LRP2: variants seen among roughly 807,000 people sequenced by gnomAD.
The protein encoded by LRP2 is low-density lipoprotein receptor-related protein 2.
Under a neutral mutation model 531.0 loss-of-function variants are expected in LRP2, and 172 were observed. The ratio of observed to expected loss-of-function variants is 0.32; its 90% confidence interval spans 0.29 to 0.37. The LOEUF (loss-of-function observed/expected upper bound fraction) is 0.37. Among genes scored for constraint, LRP2 ranks in the 10% least tolerant of loss-of-function variants. LRP2 has a pLI of 1.00. For missense variants in LRP2, 5,167 were observed against 5,868.3 expected (o/e 0.88, Z 3.90); for synonymous variants, 1,992 against 2,027.6 (o/e 0.98, Z 0.47).
At chr2:169,286,558 T>C (rs541693662) in intron 9 of LRP2, among the ~76,000 whole-genome samples, 7 of 152,340 alleles carry the variant, frequency 4.6e-5, no homozygotes, top group East Asian at 1.9e-4. Context: ...TGAGAGGCTA[T>C]TGAAAATTGA....
intron 62 of LRP2, among the ~76,000 whole-genome samples, chr2:169,163,116 T>C (rs1405219787): frequency 6.6e-6 from 1 of 152,128 alleles, no homozygotes; most frequent in South Asian, 2.1e-4. Context: ...AGGACACTGA[T>C]AGTGGAGGCA....
In LRP2 at chr2:169,176,531, G is replaced by A. The variant is rs1687201711; in HGVS notation, c.10451C>T (p.Pro3484Leu). The change falls in exon 54 of 79, where the codon CCA becomes CTA. Residue 3484 changes from proline (P) to leucine (L), a missense_variant. This residue lies in a region of LRP2 where 1,129 missense variants were observed against 1,362.7 expected (regional missense o/e 0.83). Transcript: ENST00000649046. ...GGCSHLCLIK[P>L]GGKGFTCECP... ...CTCGCAAGTGAACCCTTTTCCTCCT[G>A]GCTTGATGAGGCAGAGATGAGAACA... The A allele has an allele frequency of 6.2e-7, 1 of 1,614,040 alleles. No individual in the cohort carries two copies. Among genetic ancestry groups the A allele is most frequent in the African/African-American group, 1.3e-5 (1 of 74,916 alleles).
At chr2:169,192,462 C>T (rs1189648626) in intron 47 of LRP2, among the ~76,000 whole-genome samples, 1 of 115,364 alleles carries the variant, frequency 8.7e-6, no homozygotes, top group Non-Finnish European at 1.6e-5. Context: ...AAAACTGAAG[C>T]TCAAAGATGG....
intron 1 of LRP2, among the ~76,000 whole-genome samples, chr2:169,322,351 T>C (rs537127953): frequency 9.2e-5 from 14 of 152,354 alleles, no homozygotes; most frequent in African/African-American, 3.1e-4. Context: ...TGATTTATAA[T>C]GTATGCTGCA....
At chr2:169,345,767 A>C (rs1456888962) in intron 1 of LRP2, among the ~76,000 whole-genome samples, 1 of 152,134 alleles carries the variant, frequency 6.6e-6, no homozygotes, top group East Asian at 1.9e-4. Context: ...AAAAAAAAAA[A>C]AAAACGAGCA....
At chr2:169,140,614 C>A in intron 71 of LRP2, 69 bp from the exon 72 acceptor site, 2 of 1,239,456 alleles carry the variant, frequency 1.6e-6, no homozygotes, top group Non-Finnish European at 2.4e-6. Context: ...CCATGCAAAC[C>A]GGCCCAGGTT....
rs780134363 is a variant in LRP2 at position 169,279,375 on chromosome 2, A to G, written c.1562T>C (p.Val521Ala). The change falls in exon 12 of 79, where the codon GTT becomes GCT. Residue 521 changes from valine to alanine, a missense_variant. By Grantham distance (64) the Val-to-Ala change is moderately conservative. Transcript: ENST00000649046. ...AATATGTTTTCACATCACTTACCCA[A>G]CAGTTGGGTCCACGGCAATTCCTCT... ...HPRGIAVDPT[V>A]GYLFFSDWES... 6.2e-7 allele frequency: 1 copy of G among 1,612,256 alleles called. No individual in the cohort carries two copies. The highest frequency in any genetic ancestry group is 8.5e-7 in the Non-Finnish European group (1 of 1,178,356).
chr2:169,331,367 C>T (rs1157228626), intron 1 of LRP2, among the ~76,000 whole-genome samples: 2 of 152,206 alleles, frequency 1.3e-5, no homozygotes, highest in African/African-American at 2.4e-5. Context: ...CAAGTTTTTA[C>T]CAAGAACGCT....
Position 169,256,236 on chromosome 2 carries a change from A to C in LRP2, c.2640T>G (p.Ala880=), listed in dbSNP as rs1690299512. The change falls in exon 19 of 79, where the codon GCT becomes GCG. Residue 880 remains alanine (A), a splice_region_variant and synonymous_variant. Transcript: ENST00000649046. The part of the protein sequence containing the change: ...GWPNGLAIDW[A]ASRLYWVDAY... The stretch of plus-strand genomic sequence containing the variant: ...CATCTACCCAGTACAATCGTGAAGC[A>C]CTAAAATAATAAAATATTTAGTTAT... 1.9e-6 allele frequency: 3 copies of C among 1,611,222 alleles called. No homozygotes were observed. The East Asian group carries it at 6.7e-5, about 36-fold the overall frequency.
intron 55 of LRP2, 102 bp downstream of exon 55, chr2:169,175,091 A>G: frequency 8.7e-7 from 1 of 1,146,368 alleles, no homozygotes; most frequent in South Asian, 1.3e-5. Flanking sequence ...AGGACTTTGA[A>G]CTGGTTTTTA....
rs749942746 is a variant in LRP2, at chr2:169,259,083, G to A, written c.2455C>T (p.Arg819Cys). The A allele has an allele frequency of 2.3e-5, 37 of 1,613,228 alleles. No individual in the cohort carries two copies. Among genetic ancestry groups the A allele is most frequent in the East Asian group, 4.5e-5 (2 of 44,848 alleles). The change falls in exon 17 of 79, where the codon CGC (arginine) becomes TGC (cysteine). Residue 819 changes from arginine (R) to cysteine (C), a missense_variant. This residue lies in a region of LRP2 where 2,811 missense variants were observed against 3,058.0 expected (regional missense o/e 0.92). Coordinates refer to ENST00000649046, the MANE Select transcript of LRP2 (RefSeq NM_004525.3). The stretch of plus-strand genomic sequence containing the variant: ...TTATTTAAATACTGAACTACTGTGC[G>A]TCTCGTTTTATCAGCTAGCCTCATG... ...SVMRLADKTR[R>C]TVVQYLNNPR... is the part of the protein sequence containing the mutation.
At chr2:169,205,360 T>C in intron 41 of LRP2, 119 bp downstream of exon 41, 1 of 1,105,712 alleles carries the variant, frequency 9.0e-7, no homozygotes, top group Non-Finnish European at 1.4e-6. Flanking sequence ...TGTGATTCTA[T>C]ATTCTGGCAA....
At chr2:169,356,880 T>G (rs922373425) in intron 1 of LRP2, among the ~76,000 whole-genome samples, 4 of 152,202 alleles carry the variant, frequency 2.6e-5, no homozygotes, top group African/African-American at 9.7e-5. Context: ...GAATCTTAAA[T>G]GCAAAACTGC....
In LRP2 at chr2:169,361,595, G is replaced by C. The variant is rs867082929; in HGVS notation, c.79+726C>G. Among the ~76,000 whole-genome samples the C allele has an allele frequency of 1.1e-4, 17 of 152,148 alleles. No individual in the cohort carries two copies. The Middle Eastern group carries it at 0.01, about 91-fold the overall frequency. On this transcript the variant is annotated intron_variant, in intron 1 of 78. Coordinates refer to ENST00000649046, the MANE Select transcript of LRP2 (RefSeq NM_004525.3). ...ACATAAACTATCGGACAACTTGAGAGAAGTTTAAAGCACTTCATACTAGAA... is the reference window on the plus strand; with the variant it reads ...ACATAAACTATCGGACAACTTGAGACAAGTTTAAAGCACTTCATACTAGAA...
chr2:169,237,984 T>A (rs144674232), intron 27 of LRP2, 107 bp downstream of exon 27: 12 of 906,966 alleles, frequency 1.3e-5, no homozygotes, highest in Non-Finnish European at 2.2e-5. Context: ...GAAGGTACCA[T>A]GAGAGCTACC....
In LRP2 at chr2:169,185,976, G is replaced by C; in HGVS notation, c.9372C>G (p.His3124Gln). 1.2e-6 allele frequency: 2 copies of C among 1,613,910 alleles called. No homozygotes were observed. The highest frequency in any genetic ancestry group is 1.7e-6 in the Non-Finnish European group (2 of 1,179,944). ...AACTGGTTAAGGTGTCTGTGCAGTTGTGATCGCAGCCACTGATTGAAGGGT... is the reference window on the plus strand; with the variant it reads ...AACTGGTTAAGGTGTCTGTGCAGTTCTGATCGCAGCCACTGATTGAAGGGT... ...CHDPSISGCD[H>Q]NCTDTLTSFY... Residue 3124 changes from histidine to glutamine, a missense_variant, in exon 50 of 79, where the codon CAC (histidine) becomes CAG (glutamine). Around this residue, in one of 6 missense-constraint regions of LRP2, gnomAD observed 1,129 missense variants for 1,362.7 expected, o/e 0.83. Transcript: ENST00000649046.
intron 50 of LRP2, among the ~76,000 whole-genome samples, chr2:169,183,381 C>G (rs1446818285): frequency 1.3e-5 from 2 of 152,090 alleles, no homozygotes; most frequent in African/African-American, 4.8e-5. Flanking sequence ...ATCTTGGATT[C>G]CATCATGGTA....
At chr2:169,342,474 T>G (rs1685589053) in intron 1 of LRP2, among the ~76,000 whole-genome samples, 1 of 152,182 alleles carries the variant, frequency 6.6e-6, no homozygotes, top group African/African-American at 2.4e-5. Flanking sequence ...CTGCTTTCTC[T>G]CATTGCAGCA....
intron 1 of LRP2, among the ~76,000 whole-genome samples, chr2:169,333,929 T>C (rs1392778358): frequency 2.0e-5 from 3 of 152,212 alleles, no homozygotes; most frequent in Non-Finnish European, 4.4e-5. Flanking sequence ...AATGTGATTG[T>C]GATGACTTGA....
Sources: gnomAD v4.1 joint callset for allele counts (sites outside exome capture counted in the v4.1 genomes callset) on GRCh38, gnomAD v4.1.1 for gene constraint, gnomAD v4.1.1 regional missense constraint, MANE v1.5 for transcripts, NCBI Gene and HGNC (gene_info 2026-07-23, HGNC 2026-07-21) for gene names.